The following BNC2 variants were observed in gnomAD, a reference collection of about 807,000 sequenced individuals.
BNC2 encodes basonuclin zinc finger protein 2, also known as zinc finger protein basonuclin-2.
A neutral mutation model predicts 76.3 loss-of-function variants in BNC2; 20 were observed. That is an observed-to-expected ratio of 0.26 (90% confidence interval 0.18 to 0.38). BNC2 has a LOEUF of 0.38. Among genes scored for constraint, BNC2 ranks in the 10% least tolerant of loss-of-function variants. BNC2 has a pLI of 1.00. For missense variants in BNC2, 1,382 were observed against 1,399.8 expected (o/e 0.99, Z 0.20); for synonymous variants, 582 against 514.8 (o/e 1.13, Z -1.77).
rs767790901 is a variant in BNC2 at position 16,435,708 on chromosome 9, C to A, written c.2486G>T (p.Ser829Ile). 3.1e-5 allele frequency: 50 copies of A among 1,614,000 alleles called. No homozygotes were observed. Among genetic ancestry groups the A allele is most frequent in the Non-Finnish European group, 4.0e-5 (47 of 1,180,040 alleles). ...KFSPEGDLCS[S>I]PDPKICYVCK... ...CACATAACAGATTTTGGGGTCTGGG[C>A]TAGAACATAGGTCACCTTCTGGGGA... Residue 829 changes from serine to isoleucine, a missense_variant, in exon 6 of 7, where the codon AGC becomes ATC. Around this residue, in one of 3 missense-constraint regions of BNC2, gnomAD observed 798 missense variants for 775.5 expected, o/e 1.03. Transcript: ENST00000380672.
chr9:16,435,782 C>A lies in BNC2; in HGVS notation c.2412G>T (p.Leu804Phe). The change falls in exon 6 of 7, where the codon TTG becomes TTT. Residue 804 changes from leucine to phenylalanine, a missense_variant. This residue lies in a region of BNC2 where 798 missense variants were observed against 775.5 expected (regional missense o/e 1.03). Coordinates refer to ENST00000380672, the MANE Select transcript of BNC2 (RefSeq NM_017637.6). ...TCAGAGACGATGTAAAGCTCTCATG[C>A]AAGGCGGCCATGCTGGCACCCCCAC... ...YNGGGASMAA[L>F]HESFTSSLNY... 8 of 1,614,120 alleles carry A rather than the reference C, an allele frequency of 5.0e-6. No individual in the cohort carries two copies. Among genetic ancestry groups the A allele is most frequent in the Non-Finnish European group, 6.8e-6 (8 of 1,180,034 alleles).
chr9:16,780,235 CAAAAAAAAAA>C (rs372583425), intron 1 of BNC2, among the ~76,000 whole-genome samples: 25 of 66,314 alleles, frequency 3.8e-4, no homozygotes, highest in Admixed American at 2.3e-3. Context: ...GACTTCGTTT[CAAAAAAAAAA>C]AAAAAAAAAA....
chr9:16,495,498 G>A (rs1822369044), intron 5 of BNC2, among the ~76,000 whole-genome samples: 1 of 152,208 alleles, frequency 6.6e-6, no homozygotes, highest in African/African-American at 2.4e-5. Context: ...AACAGTGCTT[G>A]CGTTCTGGCT....
At chr9:16,468,102 A>G (rs1821734294) in intron 5 of BNC2, among the ~76,000 whole-genome samples, 2 of 140,160 alleles carry the variant, frequency 1.4e-5, no homozygotes, top group Admixed American at 7.6e-5. Context: ...GTGCAGTGGC[A>G]CCAACATGGC....
At chr9:16,841,911 G>C (rs1231199105) in intron 1 of BNC2, among the ~76,000 whole-genome samples, 3 of 151,678 alleles carry the variant, frequency 2.0e-5, no homozygotes, top group African/African-American at 7.3e-5. Flanking sequence ...CCGAGTTCAA[G>C]TGATTCTCCT....
At chr9:16,506,203 C>A (rs1297256187) in intron 5 of BNC2, among the ~76,000 whole-genome samples, 1 of 152,124 alleles carries the variant, frequency 6.6e-6, no homozygotes, top group Non-Finnish European at 1.5e-5. Context: ...GTTCCACAAA[C>A]TTTTTACAGG....
intron 5 of BNC2, among the ~76,000 whole-genome samples, chr9:16,523,213 T>C (rs752091651): frequency 2.6e-5 from 4 of 152,160 alleles, no homozygotes; most frequent in East Asian, 1.9e-4. Context: ...GGCTCACACC[T>C]GTAATCCCAG....
At chr9:16,596,258 A>T (rs560605154) in intron 3 of BNC2, among the ~76,000 whole-genome samples, 1 of 152,254 alleles carries the variant, frequency 6.6e-6, no homozygotes, top group African/African-American at 2.4e-5. Flanking sequence ...GGGGAGATCA[A>T]CCTATTTAAG....
chr9:16,758,374 C>T (rs546153713), intron 1 of BNC2, among the ~76,000 whole-genome samples: 1 of 151,602 alleles, frequency 6.6e-6, no homozygotes, highest in Non-Finnish European at 1.5e-5. Flanking sequence ...GAGTTTCACT[C>T]TGTCGCCCAG....
intron 3 of BNC2, among the ~76,000 whole-genome samples, chr9:16,623,059 T>A (rs1432519455): frequency 6.6e-6 from 1 of 152,098 alleles, no homozygotes; most frequent in African/African-American, 2.4e-5. Context: ...AAGTCAGAAA[T>A]TCAGTATCTG....
chr9:16,575,439 T>C (rs1166263103), intron 4 of BNC2: 5 of 985,352 alleles, frequency 5.1e-6, no homozygotes, highest in Non-Finnish European at 6.0e-6. Flanking sequence ...GGGGAGCTAA[T>C]AGGCAGACAG....
intron 3 of BNC2, among the ~76,000 whole-genome samples, chr9:16,647,441 A>G (rs1821663471): frequency 6.6e-6 from 1 of 152,174 alleles, no homozygotes; most frequent in Admixed American, 6.6e-5. Context: ...CTGGTTAGCT[A>G]TGTGGCTCAG....
At position 16,436,568 on chromosome 9, in the gene BNC2, G is replaced by A. The variant is rs200424967; in HGVS notation, c.1626C>T (p.Thr542=). The change falls in exon 6 of 7, where the codon ACC becomes ACT. Residue 542 remains threonine, a synonymous_variant. Coordinates refer to ENST00000380672, the MANE Select transcript of BNC2 (RefSeq NM_017637.6). ...GCAAGACAGGGTCTAGAGGGGGAGT[G>A]GTAAAACCCATTGGGGGTCGGCCAG... ...TSPGRPPMGF[T]TPPLDPVLQN... is the part of the protein sequence containing the mutation. 2.3e-4 allele frequency: 372 copies of A among 1,613,930 alleles called. No homozygotes were observed. Among genetic ancestry groups the A allele is most frequent in the Non-Finnish European group, 3.0e-4 (359 of 1,179,996 alleles).
intron 1 of BNC2, among the ~76,000 whole-genome samples, chr9:16,749,823 GA>G (rs1397082021): frequency 2.0e-5 from 3 of 152,178 alleles, no homozygotes; most frequent in African/African-American, 4.8e-5. Flanking sequence ...TAGAGGCCTT[GA>G]AATTTGGACT....
At chr9:16,690,507 T>C (rs887350552) in intron 3 of BNC2, among the ~76,000 whole-genome samples, 64 of 151,940 alleles carry the variant, frequency 4.2e-4, no homozygotes, top group African/African-American at 1.5e-3. Flanking sequence ...GTATTTATTA[T>C]CCAGCCTGAG....
chr9:16,800,115 C>G (rs1466663479), intron 1 of BNC2, among the ~76,000 whole-genome samples: 1 of 151,814 alleles, frequency 6.6e-6, no homozygotes, highest in Non-Finnish European at 1.5e-5. Context: ...GTCCCAGCTA[C>G]TCGGGAGGCT....
intron 3 of BNC2, among the ~76,000 whole-genome samples, chr9:16,706,288 T>C (rs776040504): frequency 6.6e-6 from 1 of 152,248 alleles, no homozygotes; most frequent in East Asian, 1.9e-4. Context: ...TATCTTCATA[T>C]GATGCACATT....
intron 1 of BNC2, among the ~76,000 whole-genome samples, chr9:16,824,686 G>A (rs769395366): frequency 7.9e-5 from 12 of 152,070 alleles, no homozygotes; most frequent in Non-Finnish European, 1.6e-4. Flanking sequence ...CCACCTAAAG[G>A]CACCACACCT....
At chr9:16,423,844 ACT>A (rs1184057538) in intron 6 of BNC2, among the ~76,000 whole-genome samples, 3 of 152,112 alleles carry the variant, frequency 2.0e-5, no homozygotes, top group Admixed American at 6.5e-5. Flanking sequence ...AAACCTCTGT[ACT>A]CTTTCTATAC....
Sources: allele counts gnomAD v4.1 joint callset (sites outside exome capture counted in the v4.1 genomes callset), GRCh38; gene constraint gnomAD v4.1.1; regional missense constraint gnomAD v4.1.1; transcripts MANE v1.5; gene names NCBI Gene and HGNC (gene_info 2026-07-23, HGNC 2026-07-21).